GREB1: variants seen among roughly 807,000 people sequenced by gnomAD.
GREB1 encodes growth regulating estrogen receptor binding 1.
Under a neutral mutation model 200.7 loss-of-function variants are expected in GREB1, and 106 were observed. The ratio of observed to expected loss-of-function variants is 0.53; its 90% CI spans 0.45 to 0.62. The LOEUF is 0.62. Ranked by LOEUF, GREB1 falls within the 20% of genes least tolerant of loss-of-function variation. The pLI is 0.00. For missense variants in GREB1, 2,243 were observed against 2,556.8 expected, an observed-to-expected ratio of 0.88 and a Z score of 2.65; for synonymous variants, 1,132 against 1,092.4, an observed-to-expected ratio of 1.04 and a Z score of -0.72.
chr2:11,508,696 A>C (rs895307443), intron 1 of GREB1, among the ~76,000 whole-genome samples: 2 of 152,198 alleles, frequency 1.3e-5, no homozygotes, highest in African/African-American at 4.8e-5. Flanking sequence ...TAAACTTTAG[A>C]GATTTGGCTT....
chr2:11,639,812 G>C (rs966524257), intron 32 of GREB1, among the ~76,000 whole-genome samples: 1 of 152,190 alleles, frequency 6.6e-6, no homozygotes, highest in Non-Finnish European at 1.5e-5. Flanking sequence ...GGGACAGTGT[G>C]GAGGAGACTG....
At chr2:11,572,948 A>G (rs1678459570) in intron 4 of GREB1, among the ~76,000 whole-genome samples, 1 of 152,108 alleles carries the variant, frequency 6.6e-6, no homozygotes, top group East Asian at 1.9e-4. Context: ...GTTGGGCTTC[A>G]TGAGGTTTAA....
Position 11,610,256 on chromosome 2 carries a change from G to A in GREB1, c.2667-432G>A, listed in dbSNP as rs138583605. Among the ~76,000 whole-genome samples, 313 of 152,284 alleles carry A rather than the reference G, an allele frequency of 2.1e-3. 1 individual carries two copies. The highest frequency in any genetic ancestry group is 7.2e-3 in the African/African-American group (301 of 41,550). ...ATGGGCCTTTAGAACTCGGGCCTCC[G>A]GTAGCTGCATTTCCATATTGATTGC... On this transcript the variant is annotated intron_variant, in intron 17 of 32. Coordinates refer to ENST00000381486, the MANE Select transcript of GREB1 (RefSeq NM_014668.4).
At chr2:11,571,955 C>T (rs1418301452) in intron 4 of GREB1, among the ~76,000 whole-genome samples, 2 of 152,230 alleles carry the variant, frequency 1.3e-5, no homozygotes, top group African/African-American at 4.8e-5. Flanking sequence ...TCCTGCTCCG[C>T]CTGCCTGCGC....
intron 2 of GREB1, among the ~76,000 whole-genome samples, chr2:11,559,084 C>T (rs1676719882): frequency 6.6e-6 from 1 of 152,170 alleles, no homozygotes; most frequent in South Asian, 2.1e-4. Flanking sequence ...CTTAGAATGC[C>T]ATAGAGTTTC....
At position 11,593,208 on chromosome 2, in the gene GREB1, T is replaced by C. The variant is rs562800629; in HGVS notation, c.1696+82T>C. On this transcript the variant is annotated intron_variant, in intron 11 of 32. Transcript: ENST00000381486. ...CTCCTTTGGTGGTTCTCTCCCTTTC[T>C]GTCTAGGGTGGCCCGGGTTTGCAGC... The C allele has an allele frequency of 1.2e-5, 12 of 1,000,690 alleles. No homozygotes were observed. In the African/African-American group the frequency reaches 1.8e-4, roughly 15 times the overall value. 62.0% of individuals were successfully genotyped at this position (1,000,690 alleles called of 1,614,324 possible).
At chr2:11,553,625 G>A (rs577347184) in intron 1 of GREB1, among the ~76,000 whole-genome samples, 3 of 150,902 alleles carry the variant, frequency 2.0e-5, no homozygotes, top group South Asian at 4.2e-4. Flanking sequence ...AGATTCAAAT[G>A]TATCATTTAT....
rs373446528 is a variant in GREB1, at chr2:11,618,295, G to A, written c.3420G>A (p.Ala1140=). The stretch of plus-strand genomic sequence containing the variant: ...ATGTTCGTCTCTCCTCAGGTTCAGC[G>A]CTCGGTGGCGAGTCCTCGGCTCAGC... ...SSLSSKASGS[A]LGGESSAQPT... is the part of the protein sequence containing the mutation. Residue 1140 remains alanine, a synonymous_variant, in exon 22 of 33, where the codon GCG becomes GCA. Coordinates refer to ENST00000381486, the MANE Select transcript of GREB1 (RefSeq NM_014668.4). 8.6e-5 allele frequency: 134 copies of A among 1,549,294 alleles called. 3 individuals carry two copies. Among genetic ancestry groups the A allele is most frequent in the South Asian group, 7.7e-4 (65 of 84,024 alleles).
In GREB1 at chr2:11,588,589, T is replaced by C. The variant is rs371888005; in HGVS notation, c.1160-157T>C. Reference sequence around the variant, plus strand: ...CCTAGGCTCCAGGAGGGTGAGCAGGTGCACTCAATGAGCAAGGCTTCCCAG... The same window carrying C: ...CCTAGGCTCCAGGAGGGTGAGCAGGCGCACTCAATGAGCAAGGCTTCCCAG... On this transcript the variant is annotated intron_variant, in intron 9 of 32. Transcript: ENST00000381486. 75 of 727,030 alleles carry C rather than the reference T, an allele frequency of 1.0e-4. 1 individual carries two copies. Among genetic ancestry groups the C allele is most frequent in the South Asian group, 7.0e-4 (45 of 64,342 alleles). The allele number at this position is 727,030 out of a possible 1,614,324, so 45.0% of individuals were successfully genotyped here. A position where few individuals can be genotyped will look rare whatever the true frequency, so the allele number is the denominator to read the frequency against.
Position 11,595,248 on chromosome 2 carries a change from C to T in GREB1, c.1697-3C>T. 1 of 1,611,416 alleles carries T rather than the reference C, an allele frequency of 6.2e-7. No individual in the cohort carries two copies. The highest frequency in any genetic ancestry group is 8.5e-7 in the Non-Finnish European group (1 of 1,178,458). ...GGTACTGTGAAATCTGTTTGCTTTC[C>T]AGGAAAATACCAAGCCCGGATTCTT... On this transcript the variant is annotated splice_region_variant and splice_polypyrimidine_tract_variant and intron_variant, in intron 11 of 32. Transcript: ENST00000381486.
Position 11,637,696 on chromosome 2 carries a change from A to T in GREB1, c.5347-20A>T. Reference sequence around the variant, plus strand: ...CGCCCCTCAGGGCAGTAGTGGCCTGACACCCCCCTTCCCGTGCAGGTGTCT... The same window carrying T: ...CGCCCCTCAGGGCAGTAGTGGCCTGTCACCCCCCTTCCCGTGCAGGTGTCT... On this transcript the variant is annotated intron_variant, in intron 30 of 32. Coordinates refer to ENST00000381486, the MANE Select transcript of GREB1 (RefSeq NM_014668.4). The T allele has an allele frequency of 1.2e-6, 2 of 1,610,560 alleles. No individual in the cohort carries two copies.
At chr2:11,593,249 C>A (rs765643041) in intron 11 of GREB1, 123 bp downstream of exon 11, 3 of 640,890 alleles carry the variant, frequency 4.7e-6, no homozygotes, top group Non-Finnish European at 7.8e-6. Flanking sequence ...TTAGCACCTG[C>A]GGTTTGTGCT....
chr2:11,502,500 G>T (rs1673076462), intron 1 of GREB1, among the ~76,000 whole-genome samples: 5 of 151,890 alleles, frequency 3.3e-5, no homozygotes, highest in Admixed American at 3.3e-4. Flanking sequence ...GGGATTCCAG[G>T]CATGAGCCAC....
upstream of GREB1, among the ~76,000 whole-genome samples, chr2:11,533,845 A>G (rs1232336236): frequency 6.6e-6 from 1 of 152,202 alleles, no homozygotes; most frequent in Non-Finnish European, 1.5e-5. Context: ...TGCAGGCAGA[A>G]ATGTAAACAC....
chr2:11,598,583 G>T, intron 14 of GREB1, 97 bp from the exon 15 acceptor site: 1 of 1,048,116 alleles, frequency 9.5e-7, no homozygotes, highest in Non-Finnish European at 1.4e-6. Context: ...TCTAGCTCAG[G>T]ACCTGCTGTG....
At chr2:11,488,332 A>G (rs1438866844) in intron 1 of GREB1, among the ~76,000 whole-genome samples, 1 of 152,202 alleles carries the variant, frequency 6.6e-6, no homozygotes, top group Admixed American at 6.5e-5. Flanking sequence ...TAAAAACAAC[A>G]GAGACGAAAC....
chr2:11,586,100 T>C (rs992627354), intron 9 of GREB1, among the ~76,000 whole-genome samples, 195 bp downstream of exon 9: 2 of 152,184 alleles, frequency 1.3e-5, no homozygotes, highest in Non-Finnish European at 2.9e-5. Context: ...ATGCCAAGAA[T>C]GATGGAGCTT....
intron 4 of GREB1, among the ~76,000 whole-genome samples, chr2:11,574,452 G>A (rs994659530): frequency 6.6e-6 from 1 of 152,206 alleles, no homozygotes; most frequent in African/African-American, 2.4e-5. Context: ...AGGTGTACAG[G>A]TGGGGCCCCC....
intron 14 of GREB1, among the ~76,000 whole-genome samples, chr2:11,598,436 A>G (rs1681461340): frequency 6.6e-6 from 1 of 152,204 alleles, no homozygotes; most frequent in Non-Finnish European, 1.5e-5. Context: ...TGCTTCATGA[A>G]GCTGGTGCCC....
Sources: allele counts gnomAD v4.1 joint callset (sites outside exome capture counted in the v4.1 genomes callset), GRCh38; gene constraint gnomAD v4.1.1; transcripts MANE v1.5; gene names NCBI Gene and HGNC (gene_info 2026-07-23, HGNC 2026-07-21).